Variants in LAMA1 observed in about 807,000 individuals in gnomAD.
LAMA1 encodes the protein laminin subunit alpha 1.
In LAMA1, 219 loss-of-function variants were observed where a neutral mutation model predicts 348.7. The ratio of observed to expected loss-of-function variants is 0.63; its 90% CI spans 0.56 to 0.70. The LOEUF (loss-of-function observed/expected upper bound fraction) is 0.70. Among genes scored for constraint, LAMA1 ranks in the 30% least tolerant of loss-of-function variants. The pLI is 0.00. For missense variants in LAMA1, 3,744 were observed against 3,888.0 expected (o/e 0.96, Z 0.99); for synonymous variants, 1,487 against 1,491.0 (o/e 1.00, Z 0.06).
rs1218646132 is a variant in LAMA1, at chr18:6,997,858, G to A, written c.4690C>T (p.Leu1564=). 3.7e-6 allele frequency: 6 copies of A among 1,614,134 alleles called. No individual in the cohort carries two copies. The highest frequency in any genetic ancestry group is 5.1e-6 in the Non-Finnish European group (6 of 1,180,014). The change falls in exon 33 of 63, where the codon CTG becomes TTG. Residue 1564 remains leucine (L), a synonymous_variant. Transcript: ENST00000389658. ...CCAATCTCATCCAAGTCATTCAGCAGCACACCTACACACTCATCATCACAG... is the reference window on the plus strand; with the variant it reads ...CCAATCTCATCCAAGTCATTCAGCAACACACCTACACACTCATCATCACAG... ...VSCDDECVGV[L]LNDLDEIGDA...
At chr18:7,106,704 C>T (rs1286469128) in intron 1 of LAMA1, among the ~76,000 whole-genome samples, 3 of 151,926 alleles carry the variant, frequency 2.0e-5, no homozygotes, top group South Asian at 2.1e-4. Context: ...CACCCCAGAC[C>T]GGACACACTA....
intron 3 of LAMA1, among the ~76,000 whole-genome samples, chr18:7,057,008 A>G (rs149397834): frequency 0.016 from 2,371 of 151,790 alleles, 65 homozygotes; most frequent in African/African-American, 0.054. Context: ...AGTAGCTGGG[A>G]TTACTGGTGC....
At chr18:6,983,433 T>A (rs746513025) in intron 39 of LAMA1, among the ~76,000 whole-genome samples, 199 bp from the exon 40 acceptor site, 21 of 152,308 alleles carry the variant, frequency 1.4e-4, no homozygotes, top group Middle Eastern at 3.4e-3. Flanking sequence ...GTAGCCACTT[T>A]GTCATAACAC....
At position 7,043,373 on chromosome 18, in the gene LAMA1, AAC is replaced by A; in HGVS notation, c.1007_1008del (p.Cys336LeufsTer3). 6.2e-7 allele frequency: 1 copy of A among 1,613,878 alleles called. No individual in the cohort carries two copies. On this transcript the variant is annotated frameshift_variant, in exon 8 of 63. Coordinates refer to ENST00000389658, the MANE Select transcript of LAMA1 (RefSeq NM_005559.4). LOFTEE classifies it high-confidence loss of function. ...ACNCHNKAKD[C>X]YYDESVAKQK... ...TGCTTTGCAACACTTTCATCATAGT[AAC>A]AGTCTTTGGCTTTATTGTGACAATT...
intron 19 of LAMA1, 21 bp from the exon 20 acceptor site, chr18:7,017,405 A>T (rs760498740): frequency 6.5e-7 from 1 of 1,544,026 alleles, no homozygotes; most frequent in East Asian, 2.2e-5. Flanking sequence ...GCACACAAAG[A>T]CATATTAACC....
intron 1 of LAMA1, among the ~76,000 whole-genome samples, chr18:7,110,183 C>T (rs902533120): frequency 3.4e-5 from 5 of 145,322 alleles, no homozygotes; most frequent in African/African-American, 1.4e-4. Context: ...TCCATCCCCC[C>T]ACCCGCTGCC....
At chr18:7,007,006 G>A in intron 29 of LAMA1, 133 bp downstream of exon 29, 1 of 1,323,738 alleles carries the variant, frequency 7.6e-7, no homozygotes, top group Non-Finnish European at 1.1e-6. Context: ...AAGGAAATAG[G>A]TTTATATTTT....
intron 18 of LAMA1, 39 bp from the exon 19 acceptor site, chr18:7,023,414 T>TC: frequency 6.4e-7 from 1 of 1,553,132 alleles, no homozygotes; most frequent in Non-Finnish European, 8.9e-7. Context: ...ACAAATGCAG[T>TC]TACTTAAGGC....
chr18:7,037,689 C>T lies in LAMA1; in HGVS notation c.1626G>A (p.Gln542=), dbSNP rs1294695161. The T allele has an allele frequency of 2.5e-6, 4 of 1,614,090 alleles. No individual in the cohort carries two copies. Among genetic ancestry groups the T allele is most frequent in the Non-Finnish European group, 3.4e-6 (4 of 1,180,048 alleles). ...DLISPRKIPS[Q]QDALGGRHQV... Reference sequence around the variant, plus strand: ...GATGGCGCCCGCCTAGTGCATCTTGCTGAGACGGGATCTTCCTGGGACTGA... The same window carrying T: ...GATGGCGCCCGCCTAGTGCATCTTGTTGAGACGGGATCTTCCTGGGACTGA... The change falls in exon 12 of 63, where the codon CAG becomes CAA. Residue 542 remains glutamine (Q), a synonymous_variant. Coordinates refer to ENST00000389658, the MANE Select transcript of LAMA1 (RefSeq NM_005559.4).
chr18:7,040,159 C>T lies in LAMA1; in HGVS notation c.1339G>A (p.Asp447Asn), dbSNP rs2058014123. Residue 447 changes from aspartate to asparagine, a missense_variant, in exon 10 of 63, where the codon GAT becomes AAT. By Grantham distance (23) the Asp-to-Asn change is conservative. Coordinates refer to ENST00000389658, the MANE Select transcript of LAMA1 (RefSeq NM_005559.4). ...KCDRCQLGYK[D>N]YPTCVSCGCN... ...CCACAGGAGACACAGGTCGGGTAATCCTTATAGCCAAGTTGGCAGCGATCA... is the reference window on the plus strand; with the variant it reads ...CCACAGGAGACACAGGTCGGGTAATTCTTATAGCCAAGTTGGCAGCGATCA... The T allele has an allele frequency of 6.2e-7, 1 of 1,614,146 alleles. No individual in the cohort carries two copies. Among genetic ancestry groups the T allele is most frequent in the African/African-American group, 1.3e-5 (1 of 75,032 alleles).
At chr18:7,084,811 C>T (rs772103619) in intron 1 of LAMA1, among the ~76,000 whole-genome samples, 3 of 152,200 alleles carry the variant, frequency 2.0e-5, no homozygotes, top group Non-Finnish European at 4.4e-5. Flanking sequence ...ACAGCTGAGA[C>T]ACTTCCAGAT....
At position 7,016,529 on chromosome 18, in the gene LAMA1, G is replaced by T. The variant is rs765661028; in HGVS notation, c.2951C>A (p.Ala984Asp). The change falls in exon 21 of 63, where the codon GCC becomes GAC. Residue 984 changes from alanine (A) to aspartate (D), a missense_variant. Ala to Asp is a moderately radical substitution (Grantham distance 126). Around this residue, in one of 3 missense-constraint regions of LAMA1, gnomAD observed 1,529 missense variants for 1,689.4 expected, o/e 0.91. Coordinates refer to ENST00000389658, the MANE Select transcript of LAMA1 (RefSeq NM_005559.4). ...GVAGKRCDRC[A>D]HGFYAYQDGS... The stretch of plus-strand genomic sequence containing the variant: ...ATCCTGGTAGGCGTAGAAGCCATGG[G>T]CACACCTGTCACACCTTTTCCCTGC... 3 of 1,614,038 alleles carry T rather than the reference G, an allele frequency of 1.9e-6. No individual in the cohort carries two copies. Among genetic ancestry groups the T allele is most frequent in the African/African-American group, 2.7e-5 (2 of 74,896 alleles).
At position 7,011,455 on chromosome 18, in the gene LAMA1, G is replaced by A; in HGVS notation, c.3532C>T (p.Leu1178Phe). 3 of 1,607,326 alleles carry A rather than the reference G, an allele frequency of 1.9e-6. No individual in the cohort carries two copies. The highest frequency in any genetic ancestry group is 2.2e-5 in the South Asian group (2 of 89,362). ...TTACTCTGAGAAACCACACGCAGAA[G>A]AGGCTGATCGGAGCCCAGCGTTACC... ...TPVTLGSDQP[L>F]LRVVSQSNLR... The change falls in exon 25 of 63, where the codon CTT becomes TTT. Residue 1178 changes from leucine (L) to phenylalanine (F), a missense_variant. Leu to Phe is a conservative substitution (Grantham distance 22, BLOSUM62 0). Around this residue, in one of 3 missense-constraint regions of LAMA1, gnomAD observed 1,529 missense variants for 1,689.4 expected, o/e 0.91. Coordinates refer to ENST00000389658, the MANE Select transcript of LAMA1 (RefSeq NM_005559.4).
Position 7,008,789 on chromosome 18 carries a change from C to T in LAMA1, c.4002-181G>A, listed in dbSNP as rs528158130. Among the ~76,000 whole-genome samples the T allele has an allele frequency of 2.6e-5, 4 of 152,304 alleles. No individual in the cohort carries two copies. The East Asian group carries it at 7.7e-4, about 29-fold the overall frequency. ...GCACATTACTAACTGTCATGACACA[C>T]TTTAGACATTTTAGAATTTAAAAAT... is the stretch of plus-strand genomic sequence containing the variant. On this transcript the variant is annotated intron_variant, in intron 27 of 62. Transcript: ENST00000389658.
chr18:6,943,129 C>A (rs781228248), intron 62 of LAMA1, 51 bp downstream of exon 62: 34 of 1,504,708 alleles, frequency 2.3e-5, no homozygotes, highest in Non-Finnish European at 2.8e-5. Flanking sequence ...ACCAAGACTT[C>A]CTCCAGGGAC....
At chr18:7,046,413 A>G in intron 5 of LAMA1, 46 bp from the exon 6 acceptor site, 1 of 1,178,058 alleles carries the variant, frequency 8.5e-7, no homozygotes, top group Non-Finnish European at 1.3e-6. Flanking sequence ...CCTAGATTTC[A>G]GTGAAATGAA....
At chr18:7,113,553 C>T (rs1448221665) in intron 1 of LAMA1, among the ~76,000 whole-genome samples, 1 of 152,082 alleles carries the variant, frequency 6.6e-6, no homozygotes, top group Non-Finnish European at 1.5e-5. Context: ...CATTGGGGAA[C>T]ATTAAGTAAT....
intron 20 of LAMA1, 87 bp from the exon 21 acceptor site, chr18:7,016,758 G>T: frequency 2.5e-6 from 3 of 1,197,952 alleles, no homozygotes; most frequent in Non-Finnish European, 3.5e-6. Context: ...AACACACACA[G>T]GGTATTTCAT....
In LAMA1 at chr18:7,083,193, AT is replaced by A. The variant is rs10685378; in HGVS notation, c.62-2737del. Among the ~76,000 whole-genome samples, 728 of 141,026 alleles carry A rather than the reference AT, an allele frequency of 5.2e-3. 5 individuals carry two copies. Among genetic ancestry groups the A allele is most frequent in the African/African-American group, 0.016 (600 of 38,414 alleles). The allele number at this position is 141,026 out of a possible 152,430, so 92.5% of individuals were successfully genotyped here. The stretch of plus-strand genomic sequence containing the variant: ...CTGTTCTAAATATATATATATATAC[AT>A]TTTTTTTTTTTTTGAGACATAGTCT... On this transcript the variant is annotated intron_variant, in intron 1 of 62. Coordinates refer to ENST00000389658, the MANE Select transcript of LAMA1 (RefSeq NM_005559.4).
Sources: gnomAD v4.1 joint callset for allele counts (sites outside exome capture counted in the v4.1 genomes callset) on GRCh38, gnomAD v4.1.1 for gene constraint, gnomAD v4.1.1 regional missense constraint, MANE v1.5 for transcripts, NCBI Gene and HGNC (gene_info 2026-07-23, HGNC 2026-07-21) for gene names.